CLMN: variants seen among roughly 807,000 people sequenced by gnomAD.
CLMN encodes the protein calmin.
Under a neutral mutation model 92.7 loss-of-function variants are expected in CLMN, and 57 were observed. The observed-to-expected ratio is 0.61, with a 90% confidence interval of 0.50 to 0.77. The LOEUF is 0.77. CLMN is among the 30% of genes least tolerant of loss of function. The pLI is 0.00. For missense variants in CLMN, 1,158 were observed against 1,237.5 expected (o/e 0.94, Z 0.96); for synonymous variants, 466 against 470.6 (o/e 0.99, Z 0.13).
chr14:95,216,468 AGCTGGTAAG>A (rs1273641607), intron 4 of CLMN, among the ~76,000 whole-genome samples: 3 of 152,242 alleles, frequency 2.0e-5, no homozygotes, highest in African/African-American at 7.2e-5. Context: ...AGTGTCACAT[AGCTGGTAAG>A]GCTTCAGTCA....
At chr14:95,241,245 A>C (rs1462005683) in intron 1 of CLMN, among the ~76,000 whole-genome samples, 1 of 151,962 alleles carries the variant, frequency 6.6e-6, no homozygotes, top group African/African-American at 2.4e-5. Flanking sequence ...ATGGTGACCA[A>C]CTGTCCGGAT....
intron 1 of CLMN, among the ~76,000 whole-genome samples, chr14:95,238,078 C>CT (rs1198894981): frequency 6.6e-6 from 1 of 152,246 alleles, no homozygotes; most frequent in Non-Finnish European, 1.5e-5. Context: ...CCCTGCCCCA[C>CT]TGACGGTGTG....
At chr14:95,266,977 C>T (rs1004425877) in intron 1 of CLMN, among the ~76,000 whole-genome samples, 17 of 152,154 alleles carry the variant, frequency 1.1e-4, no homozygotes, top group Admixed American at 1.0e-3. Context: ...ATTGCATAAC[C>T]ATATGCCAAA....
chr14:95,245,236 TATTATATA>T (rs1898476875), intron 1 of CLMN, among the ~76,000 whole-genome samples: 1 of 31,826 alleles, frequency 3.1e-5, no homozygotes, highest in Non-Finnish European at 4.8e-5. Context: ...TATATATATA[TATTATATA>T]TATATATATA....
chr14:95,203,358 T>A lies in CLMN; in HGVS notation c.1991A>T (p.Lys664Met), dbSNP rs376169924. The A allele has an allele frequency of 1.8e-5, 29 of 1,614,110 alleles. No homozygotes were observed. In the East Asian group the frequency reaches 4.9e-4, roughly 27 times the overall value. ...KPEVHEKAKR[K>M]STRPHYEEEG... ...TTCCTCATAATGAGGACGGGTGGACTTTCTCTTGGCCTTTTCATGCACCTC... is the reference window on the plus strand; with the variant it reads ...TTCCTCATAATGAGGACGGGTGGACATTCTCTTGGCCTTTTCATGCACCTC... The change falls in exon 9 of 13, where the codon AAG becomes ATG. Residue 664 changes from lysine to methionine, a missense_variant. Lys to Met is a moderately conservative substitution (Grantham distance 95, BLOSUM62 -1). Coordinates refer to ENST00000298912, the MANE Select transcript of CLMN (RefSeq NM_024734.4).
At chr14:95,221,499 C>G (rs948990112) in intron 4 of CLMN, among the ~76,000 whole-genome samples, 192 bp downstream of exon 4, 1 of 152,156 alleles carries the variant, frequency 6.6e-6, no homozygotes, top group African/African-American at 2.4e-5. Context: ...TGGGTGGGCA[C>G]GGAGTCAGGG....
At chr14:95,248,062 T>G (rs976853902) in intron 1 of CLMN, among the ~76,000 whole-genome samples, 2 of 151,424 alleles carry the variant, frequency 1.3e-5, no homozygotes, top group Admixed American at 1.3e-4. Flanking sequence ...TTCTGTTGGT[T>G]ACAATTAAAA....
At chr14:95,313,619 C>T (rs1049102315) in intron 1 of CLMN, among the ~76,000 whole-genome samples, 14 of 148,198 alleles carry the variant, frequency 9.4e-5, no homozygotes, top group Admixed American at 2.7e-4. Context: ...CTGTGACTAA[C>T]GCAATCTACC....
At chr14:95,278,552 G>A (rs1215721535) in intron 1 of CLMN, among the ~76,000 whole-genome samples, 3 of 152,136 alleles carry the variant, frequency 2.0e-5, no homozygotes, top group Non-Finnish European at 4.4e-5. Context: ...TGGAACCCCA[G>A]AAATTGAAAG....
At position 95,235,800 on chromosome 14, in the gene CLMN, G is replaced by A. The variant is rs117874827; in HGVS notation, c.83-5667C>T. ...GGCCAGTGTTTCCAGCTTCCGAGAC[G>A]CTGCTTGGGAGAGGGGAGGGAGACA... On this transcript the variant is annotated intron_variant, in intron 1 of 12. Coordinates refer to ENST00000298912, the MANE Select transcript of CLMN (RefSeq NM_024734.4). Among the ~76,000 whole-genome samples, 289 of 152,276 alleles carry A rather than the reference G, an allele frequency of 1.9e-3. 1 individual carries two copies. Among genetic ancestry groups the A allele is most frequent in the Non-Finnish European group, 3.4e-3 (232 of 68,018 alleles).
intron 1 of CLMN, among the ~76,000 whole-genome samples, chr14:95,283,692 T>C (rs1438257163): frequency 6.6e-6 from 1 of 152,192 alleles, no homozygotes; most frequent in Non-Finnish European, 1.5e-5. Flanking sequence ...TAGAGATGTG[T>C]GGAACTTTGA....
At chr14:95,286,844 C>T (rs1240906038) in intron 1 of CLMN, among the ~76,000 whole-genome samples, 1 of 152,218 alleles carries the variant, frequency 6.6e-6, no homozygotes, top group African/African-American at 2.4e-5. Context: ...CAGGGTCTCA[C>T]TCAACACCTG....
intron 1 of CLMN, among the ~76,000 whole-genome samples, chr14:95,297,218 A>C (rs1900843486): frequency 6.6e-6 from 1 of 152,244 alleles, no homozygotes; most frequent in Non-Finnish European, 1.5e-5. Context: ...AAAATCACTT[A>C]GAAGGCGCTT....
intron 1 of CLMN, among the ~76,000 whole-genome samples, chr14:95,266,057 C>T (rs1899460014): frequency 6.6e-6 from 1 of 152,210 alleles, no homozygotes; most frequent in Non-Finnish European, 1.5e-5. Flanking sequence ...CAGGTAGTGC[C>T]ACAGTCCTTT....
intron 1 of CLMN, among the ~76,000 whole-genome samples, chr14:95,245,510 G>GGGTAGATGGATGGATGGATA (rs1898512850): frequency 6.8e-6 from 1 of 147,320 alleles, no homozygotes; most frequent in Non-Finnish European, 1.5e-5. Context: ...GTGGATGGGT[G>GGGTAGATGGATGGATGGATA]GGTAGATGGA....
intron 1 of CLMN, among the ~76,000 whole-genome samples, chr14:95,261,173 G>A (rs74424352): frequency 0.067 from 9,607 of 143,246 alleles, 422 homozygotes; most frequent in South Asian, 0.15. Context: ...CAAGATCACC[G>A]AGAGAAAGCA....
chr14:95,258,055 T>C (rs1899074690), intron 1 of CLMN, among the ~76,000 whole-genome samples: 1 of 150,262 alleles, frequency 6.7e-6, no homozygotes, highest in Non-Finnish European at 1.5e-5. Context: ...GCAGAATAGG[T>C]GGTATGCGTG....
Position 95,255,206 on chromosome 14 carries a change from C to G in CLMN, c.83-25073G>C, listed in dbSNP as rs536345778. On this transcript the variant is annotated intron_variant, in intron 1 of 12. Transcript: ENST00000298912. ...CTGCCGGCACCTTGATCCTGGACTT[C>G]CAGCCTCCAGCACTATAGGAAAATA... Among the ~76,000 whole-genome samples the G allele has an allele frequency of 3.6e-3, 544 of 152,266 alleles. 9 individuals are homozygous for G. Among genetic ancestry groups the G allele is most frequent in the African/African-American group, 0.013 (526 of 41,550 alleles).
chr14:95,290,320 T>C (rs1213625634), intron 1 of CLMN, among the ~76,000 whole-genome samples: 1 of 152,258 alleles, frequency 6.6e-6, no homozygotes, highest in Non-Finnish European at 1.5e-5. Context: ...CTGGAGTCTG[T>C]GTGTTGCCTT....
Sources: allele counts gnomAD v4.1 joint callset (sites outside exome capture counted in the v4.1 genomes callset), GRCh38; gene constraint gnomAD v4.1.1; transcripts MANE v1.5; gene names NCBI Gene and HGNC (gene_info 2026-07-23, HGNC 2026-07-21).